The following ARFGEF3 variants were observed in gnomAD, a reference collection of about 807,000 sequenced individuals.
The protein encoded by ARFGEF3 is brefeldin A-inhibited guanine nucleotide-exchange protein 3.
A neutral mutation model predicts 221.7 loss-of-function variants in ARFGEF3; 96 were observed. The observed-to-expected ratio is 0.43, with a 90% CI of 0.37 to 0.51. The LOEUF (loss-of-function observed/expected upper bound fraction) is 0.51, where lower values mean the gene tolerates loss of function less well. Ranked by LOEUF, ARFGEF3 falls within the 20% of genes least tolerant of loss-of-function variation. The pLI, the probability that ARFGEF3 is intolerant of heterozygous loss-of-function variation, is 0.00. For missense variants in ARFGEF3, 2,410 were observed against 2,789.9 expected, an observed-to-expected ratio of 0.86 and a Z score of 3.07; for synonymous variants, 1,145 against 1,126.8, an observed-to-expected ratio of 1.02 and a Z score of -0.32.
chr6:138,278,595 C>T lies in ARFGEF3; in HGVS notation c.2273C>T (p.Pro758Leu), dbSNP rs754312669. The change falls in exon 13 of 34, where the codon CCG (proline) becomes CTG (leucine). Residue 758 changes from proline to leucine, a missense_variant. Physicochemically the swap from Pro to Leu is moderately conservative, Grantham distance 98 (BLOSUM62 -3). This residue lies in a region of ARFGEF3 where 594 missense variants were observed against 734.3 expected (regional missense o/e 0.81). Transcript: ENST00000251691. Reference sequence around the variant, plus strand: ...CACGGTGACTACTACAGGAAGCGGCCGACCCTGGCGCCAGGCGTGATGGTG... The same window carrying T: ...CACGGTGACTACTACAGGAAGCGGCTGACCCTGGCGCCAGGCGTGATGGTG... ...LSHGDYYRKRPTLAPGVMKDF... is the reference protein window; with the variant it reads ...LSHGDYYRKRLTLAPGVMKDF... 9.9e-6 allele frequency: 16 copies of T among 1,613,780 alleles called. No homozygotes were observed. Among genetic ancestry groups the T allele is most frequent in the Middle Eastern group, 1.6e-4 (1 of 6,084 alleles).
In ARFGEF3 at chr6:138,162,688, A is replaced by G. The variant is rs1248264471; in HGVS notation, c.85+517A>G. The stretch of plus-strand genomic sequence containing the variant: ...GAAAAATAACATACGGGCGGGGATC[A>G]TGTTACCTCTGCAATTCTGTTGTGG... On this transcript the variant is annotated intron_variant, in intron 1 of 33. Transcript: ENST00000251691. This position sits in a 1 kb window ranked among gnomAD's most constrained non-coding sequence, Gnocchi z 4.7. Among the ~76,000 whole-genome samples the G allele has an allele frequency of 1.3e-5, 2 of 152,190 alleles. No homozygotes were observed. The highest frequency in any genetic ancestry group is 2.4e-5 in the African/African-American group (1 of 41,446).
At chr6:138,182,523 G>A (rs1451757418) in intron 2 of ARFGEF3, among the ~76,000 whole-genome samples, 3 of 152,194 alleles carry the variant, frequency 2.0e-5, no homozygotes, top group African/African-American at 7.2e-5. Context: ...TATTCAGACT[G>A]AGGGGAGTGT....
intron 5 of ARFGEF3, among the ~76,000 whole-genome samples, chr6:138,235,729 T>G (rs72986865): frequency 0.049 from 7,417 of 152,242 alleles, 259 homozygotes; most frequent in Non-Finnish European, 0.081. Context: ...AAACTTTCCT[T>G]TAGAAGATGT....
Position 138,336,496 on chromosome 6 carries a change from G to A in ARFGEF3, c.*10G>A. The A allele has an allele frequency of 1.3e-6, 2 of 1,590,682 alleles. No homozygotes were observed. Among genetic ancestry groups the A allele is most frequent in the Non-Finnish European group, 1.7e-6 (2 of 1,168,158 alleles). On this transcript the variant is annotated 3_prime_UTR_variant, in exon 34 of 34. Transcript: ENST00000251691. ...TGACATCATTGTGTAGCCGACTCCT[G>A]TTCTACTCTCCCACCAAATAACAGT...
chr6:138,175,313 G>C (rs1448184923), intron 2 of ARFGEF3, among the ~76,000 whole-genome samples: 1 of 152,142 alleles, frequency 6.6e-6, no homozygotes, highest in Non-Finnish European at 1.5e-5. Flanking sequence ...TTTTGATTTG[G>C]GGGTGAGTTT....
At position 138,324,047 on chromosome 6, in the gene ARFGEF3, G is replaced by A. The variant is rs767758942; in HGVS notation, c.4894G>A (p.Gly1632Ser). 13 of 1,613,820 alleles carry A rather than the reference G, an allele frequency of 8.1e-6. No homozygotes were observed. Among genetic ancestry groups the A allele is most frequent in the Admixed American group, 3.3e-5 (2 of 60,006 alleles). ...VKDLLGCFHS[G>S]TESFSGEGCQ... is the part of the protein sequence containing the mutation. The stretch of plus-strand genomic sequence containing the variant: ...GGACCTGCTGGGCTGCTTCCACAGC[G>A]GCACGGAGAGCTTCAGCGGGGAAGG... The change falls in exon 31 of 34, where the codon GGC becomes AGC. Residue 1632 changes from glycine to serine, a missense_variant. By Grantham distance (56) the Gly-to-Ser change is moderately conservative (BLOSUM62 0). Transcript: ENST00000251691.
chr6:138,188,306 T>C (rs1477840327), intron 2 of ARFGEF3, among the ~76,000 whole-genome samples: 1 of 151,998 alleles, frequency 6.6e-6, no homozygotes, highest in Admixed American at 6.5e-5. Flanking sequence ...AGACTTAGGT[T>C]CCCCCCCTCC....
chr6:138,176,374 A>T (rs1776947256), intron 2 of ARFGEF3, among the ~76,000 whole-genome samples: 1 of 151,764 alleles, frequency 6.6e-6, no homozygotes, highest in Non-Finnish European at 1.5e-5. Flanking sequence ...GTAGAGACGG[A>T]GTTTCACCAT....
intron 2 of ARFGEF3, among the ~76,000 whole-genome samples, chr6:138,193,734 G>A (rs1370795873): frequency 6.6e-6 from 1 of 152,114 alleles, no homozygotes; most frequent in Non-Finnish European, 1.5e-5. Flanking sequence ...CCATTTTGCA[G>A]TCATGGTACT....
intron 9 of ARFGEF3, among the ~76,000 whole-genome samples, chr6:138,254,891 T>C (rs1398024706): frequency 1.3e-5 from 2 of 152,190 alleles, no homozygotes; most frequent in Admixed American, 6.5e-5. Flanking sequence ...TTTCAGCTCG[T>C]TCAAAAAGCA....
At position 138,169,839 on chromosome 6, in the gene ARFGEF3, A is replaced by G. The variant is rs545635821; in HGVS notation, c.86-823A>G. 1.2e-4 allele frequency among the ~76,000 whole-genome samples: 18 copies of G among 152,306 alleles called. No homozygotes were observed. In the East Asian group the frequency reaches 2.7e-3, roughly 23 times the overall value. Reference sequence around the variant, plus strand: ...GTTCTTAGCCTTGAGTCTCTGATATATGTATATATTTCACATTTGTTATTC... The same window carrying G: ...GTTCTTAGCCTTGAGTCTCTGATATGTGTATATATTTCACATTTGTTATTC... On this transcript the variant is annotated intron_variant, in intron 1 of 33. Coordinates refer to ENST00000251691, the MANE Select transcript of ARFGEF3 (RefSeq NM_020340.5).
At chr6:138,230,748 C>T (rs1022637478) in intron 5 of ARFGEF3, among the ~76,000 whole-genome samples, 39 of 152,196 alleles carry the variant, frequency 2.6e-4, no homozygotes, top group African/African-American at 8.4e-4. Flanking sequence ...ATCAGCTGAC[C>T]TCTCATTACA....
Position 138,337,315 on chromosome 6 carries a change from C to CAAGGA in ARFGEF3, c.*843_*847dup, listed in dbSNP as rs1033073007. ...TGTTTGTTTCCATCCCCAAGGCAAA[C>CAAGGA]AAGGAAAGGAAAGGAAAGAAGAAAA... On this transcript the variant is annotated 3_prime_UTR_variant, in exon 34 of 34. Coordinates refer to ENST00000251691, the MANE Select transcript of ARFGEF3 (RefSeq NM_020340.5). 2.0e-5 allele frequency: 3 copies of CAAGGA among 152,552 alleles called. No homozygotes were observed. Among genetic ancestry groups the CAAGGA allele is most frequent in the South Asian group, 2.1e-4 (1 of 4,832 alleles). The allele number at this position is 152,552 out of a possible 1,614,324, so 9.4% of individuals were successfully genotyped here.
chr6:138,193,712 T>C (rs1337289049), intron 2 of ARFGEF3, among the ~76,000 whole-genome samples: 3 of 152,236 alleles, frequency 2.0e-5, no homozygotes, highest in African/African-American at 7.2e-5. Context: ...AGAAAACTGT[T>C]ACTTTAGTTG....
In ARFGEF3 at chr6:138,291,823, C is replaced by T. The variant is rs887674997; in HGVS notation, c.3138C>T (p.Ala1046=). The change falls in exon 19 of 34, where the codon GCC becomes GCT. Residue 1046 remains alanine (A), a synonymous_variant. Coordinates refer to ENST00000251691, the MANE Select transcript of ARFGEF3 (RefSeq NM_020340.5). The surrounding 1 kb of genome is among the most constrained non-coding windows in gnomAD (Gnocchi z 4.5). ...TGACCATCAGCCAGCCCCAGAAGGCCACTGGAAGCGCTGGCCTCCTTGGGG... is the reference window on the plus strand; with the variant it reads ...TGACCATCAGCCAGCCCCAGAAGGCTACTGGAAGCGCTGGCCTCCTTGGGG... ...PPLTISQPQK[A]TGSAGLLGDP... is the part of the protein sequence containing the mutation. 4 of 1,496,518 alleles carry T rather than the reference C, an allele frequency of 2.7e-6. No homozygotes were observed. The highest frequency in any genetic ancestry group is 3.5e-4 in the Middle Eastern group (2 of 5,672). 92.7% of individuals were successfully genotyped at this position (1,496,518 alleles called of 1,614,324 possible). A position where few individuals can be genotyped will look rare whatever the true frequency, so the allele number is the denominator to read the frequency against.
chr6:138,327,670 A>T (rs932446417), intron 31 of ARFGEF3, among the ~76,000 whole-genome samples: 2 of 151,968 alleles, frequency 1.3e-5, no homozygotes, highest in African/African-American at 2.4e-5. Flanking sequence ...GATACCAAAG[A>T]CTCAAAAATC....
chr6:138,202,596 CTG>C (rs1777557422), intron 2 of ARFGEF3, among the ~76,000 whole-genome samples: 1 of 150,720 alleles, frequency 6.6e-6, no homozygotes, highest in South Asian at 2.1e-4. Flanking sequence ...CTACAGTAAA[CTG>C]TTTTCATTCA....
chr6:138,193,363 G>C (rs1015990174), intron 2 of ARFGEF3, among the ~76,000 whole-genome samples: 1 of 152,098 alleles, frequency 6.6e-6, no homozygotes, highest in Non-Finnish European at 1.5e-5. Flanking sequence ...ATAGTTGGTT[G>C]TGTATACCTT....
chr6:138,327,042 G>C (rs1780138513), intron 31 of ARFGEF3, among the ~76,000 whole-genome samples: 1 of 152,164 alleles, frequency 6.6e-6, no homozygotes, highest in East Asian at 1.9e-4. Context: ...ATAAGTGGGA[G>C]CTGATTGATG....
Sources: gnomAD v4.1 joint callset for allele counts (sites outside exome capture counted in the v4.1 genomes callset) on GRCh38, gnomAD v4.1.1 for gene constraint, gnomAD v4.1.1 regional missense constraint, Gnocchi (gnomAD v3.1) non-coding constraint, MANE v1.5 for transcripts, NCBI Gene and HGNC (gene_info 2026-07-23, HGNC 2026-07-21) for gene names.